Variants in DOP1B observed in about 807,000 individuals in gnomAD.
DOP1B encodes protein DOP1B.
In DOP1B, 174 loss-of-function variants were observed where a neutral mutation model predicts 233.5. The observed-to-expected ratio is 0.75, with a 90% CI of 0.66 to 0.85. The LOEUF (loss-of-function observed/expected upper bound fraction) is 0.85. Ranked by LOEUF, DOP1B falls within the 40% of genes least tolerant of loss-of-function variation. The pLI, the probability that DOP1B is intolerant of heterozygous loss-of-function variation, is 0.00. For synonymous variants in DOP1B, 1,190 were observed against 1,185.6 expected (o/e 1.00, Z -0.08); for missense variants, 2,652 against 2,846.6 (o/e 0.93, Z 1.56).
At chr21:36,205,496 C>G (rs1243201901) in intron 4 of DOP1B, among the ~76,000 whole-genome samples, 1 of 152,028 alleles carries the variant, frequency 6.6e-6, no homozygotes, top group South Asian at 2.1e-4. Flanking sequence ...TCAAGCAATT[C>G]TCCTGCCTCA....
chr21:36,163,840 G>A (rs747321047), intron 1 of DOP1B, among the ~76,000 whole-genome samples: 9 of 152,172 alleles, frequency 5.9e-5, no homozygotes, highest in Non-Finnish European at 1.2e-4. Context: ...GGGCTCTGTC[G>A]TTCCACTCAG....
At chr21:36,260,500 A>C (rs991143844) in intron 23 of DOP1B, among the ~76,000 whole-genome samples, 177 bp from the exon 24 acceptor site, 1 of 152,130 alleles carries the variant, frequency 6.6e-6, no homozygotes, top group African/African-American at 2.4e-5. Flanking sequence ...GACTCATAGG[A>C]CACACTTGTT....
intron 4 of DOP1B, among the ~76,000 whole-genome samples, chr21:36,201,342 A>ATTTTTTTTTTTTTTTTTTT (rs1187890925): frequency 2.3e-4 from 11 of 46,970 alleles, no homozygotes; most frequent in African/African-American, 3.7e-4. Context: ...TATCTATTGG[A>ATTTTTTTTTTTTTTTTTTT]TTCTTTTTTT....
intron 27 of DOP1B, among the ~76,000 whole-genome samples, chr21:36,274,471 CAT>C (rs759054460): frequency 9.2e-5 from 14 of 152,210 alleles, no homozygotes; most frequent in Admixed American, 3.3e-4. Context: ...TGATTTTGCA[CAT>C]GTTAAGTCGG....
At chr21:36,161,172 G>A (rs1004108539) in intron 1 of DOP1B, among the ~76,000 whole-genome samples, 1 of 151,972 alleles carries the variant, frequency 6.6e-6, no homozygotes, top group African/African-American at 2.4e-5. Context: ...TGGGGACAGA[G>A]TCTCACTATG....
chr21:36,239,663 A>G, intron 17 of DOP1B, 102 bp from the exon 18 acceptor site: 1 of 1,322,150 alleles, frequency 7.6e-7, no homozygotes, highest in South Asian at 1.6e-5. Context: ...TGGAGGTCCT[A>G]GGGTACCTGT....
At chr21:36,227,550 AAAAGAAAG>A in intron 12 of DOP1B, 128 bp from the exon 13 acceptor site, 3 of 846,450 alleles carry the variant, frequency 3.5e-6, no homozygotes, top group East Asian at 2.8e-5. Flanking sequence ...CTGTCAAAAA[AAAAGAAAG>A]AAAGAAAGAA....
At chr21:36,251,324 T>G (rs762839037) in intron 22 of DOP1B, 40 bp downstream of exon 22, 1 of 1,587,348 alleles carries the variant, frequency 6.3e-7, no homozygotes. Flanking sequence ...AAACTTACTG[T>G]GACAAAGAAA....
intron 2 of DOP1B, chr21:36,170,314 T>C (rs1267158399): frequency 6.7e-6 from 2 of 297,980 alleles, no homozygotes; most frequent in African/African-American, 2.3e-5. Context: ...ATTTCTATTC[T>C]AGGCCTGGCG....
At position 36,168,056 on chromosome 21, in the gene DOP1B, G is replaced by T. The variant is rs575763951; in HGVS notation, c.138+3185G>T. Among the ~76,000 whole-genome samples, 3 of 144,672 alleles carry T rather than the reference G, an allele frequency of 2.1e-5. No individual in the cohort carries two copies. The South Asian group carries it at 6.8e-4, about 33-fold the overall frequency. The allele number at this position is 144,672 out of a possible 152,430, so 94.9% of individuals were successfully genotyped here. A position where few individuals can be genotyped will look rare whatever the true frequency, so the allele number is the denominator to read the frequency against. ...CCTTCTAGGTTGAAGCGATTCTCCT[G>T]CCTCAGCCTCCCGAGTAACTGAGAC... On this transcript the variant is annotated intron_variant, in intron 2 of 36. Coordinates refer to ENST00000691173, the MANE Select transcript of DOP1B (RefSeq NM_001320714.2).
At chr21:36,201,036 C>G (rs2066359334) in intron 4 of DOP1B, among the ~76,000 whole-genome samples, 1 of 152,168 alleles carries the variant, frequency 6.6e-6, no homozygotes, top group South Asian at 2.1e-4. Context: ...AGAAATGTAG[C>G]TCATTAATAA....
In DOP1B at chr21:36,289,072, A is replaced by T. The variant is rs747461595; in HGVS notation, c.6381A>T (p.Lys2127Asn). 10 of 1,612,160 alleles carry T rather than the reference A, an allele frequency of 6.2e-6. No individual in the cohort carries two copies. Among genetic ancestry groups the T allele is most frequent in the Non-Finnish European group, 8.5e-6 (10 of 1,179,702 alleles). ...LRSTNKVNRT[K>N]VSVPDANGPS... ...GCACCAACAAAGTAAACAGAACGAA[A>T]GTTTCAGTCCCGGATGCAAATGGAC... is the stretch of plus-strand genomic sequence containing the variant. Residue 2127 changes from lysine (K) to asparagine (N), a missense_variant, in exon 35 of 37, where the codon AAA becomes AAT. This residue lies in a region of DOP1B where 2,617 missense variants were observed against 2,794.3 expected (regional missense o/e 0.94). Coordinates refer to ENST00000691173, the MANE Select transcript of DOP1B (RefSeq NM_001320714.2).
intron 2 of DOP1B, among the ~76,000 whole-genome samples, chr21:36,180,104 C>G (rs1397368002): frequency 6.6e-6 from 1 of 150,830 alleles, no homozygotes; most frequent in African/African-American, 2.5e-5. Context: ...CTCCACTATT[C>G]CCATGTTGGG....
chr21:36,246,082 G>A lies in DOP1B; in HGVS notation c.4102G>A (p.Gly1368Arg), dbSNP rs1260954261. 2 of 1,614,088 alleles carry A rather than the reference G, an allele frequency of 1.2e-6. No individual in the cohort carries two copies. Among genetic ancestry groups the A allele is most frequent in the African/African-American group, 1.3e-5 (1 of 75,016 alleles). The change falls in exon 19 of 37, where the codon GGG becomes AGG. Residue 1368 changes from glycine to arginine, a missense_variant. By Grantham distance (125) the Gly-to-Arg change is moderately radical (BLOSUM62 -2). This residue lies in a region of DOP1B where 2,617 missense variants were observed against 2,794.3 expected (regional missense o/e 0.94). Transcript: ENST00000691173. The surrounding 1 kb of genome is among the most constrained non-coding windows in gnomAD (Gnocchi z 5.1). Reference protein sequence around the residue: ...QLVSVAKSSEGKNVEFIHSLL... With the variant: ...QLVSVAKSSERKNVEFIHSLL... ...GGTCTCAGTGGCCAAGTCTTCGGAA[G>A]GGAAGAACGTGGAGTTCATCCACAG...
intron 21 of DOP1B, among the ~76,000 whole-genome samples, chr21:36,250,123 T>C (rs948976537): frequency 1.3e-5 from 2 of 152,074 alleles, no homozygotes; most frequent in Non-Finnish European, 2.9e-5. Flanking sequence ...ACTTAACTCC[T>C]AGCCCTCCCT....
intron 1 of DOP1B, among the ~76,000 whole-genome samples, chr21:36,162,590 G>C (rs970073440): frequency 6.6e-6 from 1 of 151,992 alleles, no homozygotes; most frequent in Admixed American, 6.6e-5. Flanking sequence ...ACCCAGGCTG[G>C]GGTACAGTGG....
chr21:36,179,067 G>C (rs2516555), intron 2 of DOP1B, among the ~76,000 whole-genome samples: 105,193 of 152,114 alleles, frequency 0.69, 37,180 homozygotes, highest in African/African-American at 0.85. Context: ...AGTATGTGCC[G>C]TCTCTCTCCT....
chr21:36,205,527 TAC>T (rs2066417019), intron 4 of DOP1B, among the ~76,000 whole-genome samples: 1 of 152,038 alleles, frequency 6.6e-6, no homozygotes, highest in Non-Finnish European at 1.5e-5. Flanking sequence ...AAGCTGGGAT[TAC>T]AGGTGCGAAC....
At position 36,245,694 on chromosome 21, in the gene DOP1B, G is replaced by A. The variant is rs1309666349; in HGVS notation, c.3714G>A (p.Arg1238=). Residue 1238 remains arginine (R), a synonymous_variant, in exon 19 of 37, where the codon CGG becomes CGA. Transcript: ENST00000691173. This position sits in a 1 kb window ranked among gnomAD's most constrained non-coding sequence, Gnocchi z 5.5. Reference sequence around the variant, plus strand: ...TCTACCTGCAGCCCTACGACTCTCGGCGGGTCCTCTATGCCTTCTCGGTGC... The same window carrying A: ...TCTACCTGCAGCCCTACGACTCTCGACGGGTCCTCTATGCCTTCTCGGTGC... ...ILLYLQPYDS[R]RVLYAFSVLE... is the part of the protein sequence containing the mutation. 1.5e-5 allele frequency: 25 copies of A among 1,613,664 alleles called. No homozygotes were observed. The highest frequency in any genetic ancestry group is 1.9e-5 in the Non-Finnish European group (23 of 1,180,016).
Sources: allele counts gnomAD v4.1 joint callset (sites outside exome capture counted in the v4.1 genomes callset), GRCh38; gene constraint gnomAD v4.1.1; regional missense constraint gnomAD v4.1.1; non-coding constraint Gnocchi (gnomAD v3.1); transcripts MANE v1.5; gene names NCBI Gene and HGNC (gene_info 2026-07-23, HGNC 2026-07-21).